PCBP3: variants seen among roughly 807,000 people sequenced by gnomAD.
PCBP3 encodes the protein poly(rC) binding protein 3.
A neutral mutation model predicts 52.7 loss-of-function variants in PCBP3; 25 were observed. The ratio of observed to expected loss-of-function variants is 0.47; its 90% CI spans 0.35 to 0.66. PCBP3 has a LOEUF of 0.66. PCBP3 is among the 30% of genes least tolerant of loss of function. The pLI is 0.01. For synonymous variants in PCBP3, 162 were observed against 183.0 expected (o/e 0.89, Z 0.93); for missense variants, 391 against 490.3 (o/e 0.80, Z 1.91).
chr21:45,810,032 A>T (rs1389427294), intron 4 of PCBP3, among the ~76,000 whole-genome samples: 1 of 152,230 alleles, frequency 6.6e-6, no homozygotes, highest in Non-Finnish European at 1.5e-5. Flanking sequence ...AGCCTAATAG[A>T]AAAAAGATTT....
intron 4 of PCBP3, among the ~76,000 whole-genome samples, chr21:45,839,961 A>G (rs1039693746): frequency 2.0e-5 from 3 of 151,774 alleles, no homozygotes; most frequent in South Asian, 4.2e-4. Flanking sequence ...TGCTGGGATT[A>G]CAGACATGAG....
intron 4 of PCBP3, among the ~76,000 whole-genome samples, chr21:45,819,240 G>A (rs781166662): frequency 3.0e-4 from 46 of 152,134 alleles, no homozygotes; most frequent in Non-Finnish European, 5.6e-4. Flanking sequence ...GGGCCGTGGG[G>A]GATGGGGGTA....
At chr21:45,680,357 A>G (rs2081762218) in intron 2 of PCBP3, among the ~76,000 whole-genome samples, 1 of 152,176 alleles carries the variant, frequency 6.6e-6, no homozygotes, top group South Asian at 2.1e-4. Context: ...TGAACTTAGT[A>G]TGTCTCCATT....
intron 13 of PCBP3, among the ~76,000 whole-genome samples, chr21:45,923,063 A>T (rs551896623): frequency 1.5e-4 from 23 of 152,052 alleles, no homozygotes; most frequent in Non-Finnish European, 2.6e-4. Flanking sequence ...AATCCCCGGG[A>T]CTCTGTCGGT....
intron 4 of PCBP3, among the ~76,000 whole-genome samples, chr21:45,826,922 A>G (rs2093323404): frequency 6.6e-6 from 1 of 152,142 alleles, no homozygotes; most frequent in Non-Finnish European, 1.5e-5. Flanking sequence ...AGGAAAGGCC[A>G]AGTGGAGAGT....
chr21:45,901,149 G>T, intron 9 of PCBP3, 36 bp downstream of exon 9: 1 of 1,464,198 alleles, frequency 6.8e-7, no homozygotes, highest in African/African-American at 1.4e-5. Flanking sequence ...CCAGCCTGGC[G>T]GGGGCAGGCC....
intron 1 of PCBP3, among the ~76,000 whole-genome samples, chr21:45,666,823 G>A (rs1173497436): frequency 6.6e-6 from 1 of 151,738 alleles, no homozygotes; most frequent in Non-Finnish European, 1.5e-5. Context: ...TGCCTTCCGG[G>A]TTCAAGTGAT....
intron 15 of PCBP3, among the ~76,000 whole-genome samples, chr21:45,934,547 T>C (rs1353137229): frequency 6.6e-6 from 1 of 152,210 alleles, no homozygotes; most frequent in African/African-American, 2.4e-5. Context: ...ATGTGCAGCT[T>C]TTCATTGGCC....
intron 2 of PCBP3, among the ~76,000 whole-genome samples, chr21:45,685,495 A>G (rs755764746): frequency 3.3e-5 from 5 of 152,214 alleles, no homozygotes; most frequent in Non-Finnish European, 5.9e-5. Context: ...AGTAACCAGG[A>G]TAGGACTTAT....
Position 45,791,868 on chromosome 21 carries a change from TG to T in PCBP3, c.-126+36417del. The stretch of plus-strand genomic sequence containing the variant: ...CAACTATGTAGTTAGGTCCTGCTCC[TG>T]AAAGCAAGGATGCAGTTCATTTCCA... On this transcript the variant is annotated intron_variant, in intron 4 of 17. Transcript: ENST00000681687. The surrounding 1 kb of genome is among the most constrained non-coding windows in gnomAD (Gnocchi z 4.2). Among the ~76,000 whole-genome samples the T allele has an allele frequency of 6.6e-6, 1 of 152,384 alleles. No individual in the cohort carries two copies. Among genetic ancestry groups the T allele is most frequent in the East Asian group, 1.9e-4 (1 of 5,178 alleles).
At chr21:45,653,602 C>A (rs2079827022) in intron 1 of PCBP3, among the ~76,000 whole-genome samples, 1 of 151,872 alleles carries the variant, frequency 6.6e-6, no homozygotes. Context: ...TTATCTTATT[C>A]TCAACCTTAC....
intron 2 of PCBP3, among the ~76,000 whole-genome samples, chr21:45,685,010 C>T (rs1268382811): frequency 6.6e-6 from 1 of 152,202 alleles, no homozygotes; most frequent in African/African-American, 2.4e-5. Flanking sequence ...ATGTATATCC[C>T]TGTGACTGTC....
intron 2 of PCBP3, among the ~76,000 whole-genome samples, chr21:45,706,697 C>T (rs1022993957): frequency 3.3e-5 from 5 of 152,126 alleles, no homozygotes; most frequent in African/African-American, 1.2e-4. Context: ...GTTGAGAAGC[C>T]CTAGCCAGGC....
chr21:45,808,200 T>G (rs1338038450), intron 4 of PCBP3, among the ~76,000 whole-genome samples: 1 of 152,182 alleles, frequency 6.6e-6, no homozygotes, highest in Admixed American at 6.5e-5. Flanking sequence ...AAATGGGATC[T>G]AATTAAACTA....
intron 5 of PCBP3, among the ~76,000 whole-genome samples, chr21:45,893,446 G>A (rs1476996092): frequency 1.3e-5 from 2 of 152,084 alleles, no homozygotes; most frequent in Non-Finnish European, 2.9e-5. Context: ...TATGTCAGAT[G>A]TGGGTGTCTG....
In PCBP3 at chr21:45,941,659, G is replaced by GTC; in HGVS notation, c.1080-9_1080-8dup. On this transcript the variant is annotated splice_polypyrimidine_tract_variant and intron_variant, in intron 17 of 17. Transcript: ENST00000681687. ...GACCGTCTCTCCCTCTCCTGCCTTT[G>GTC]TCTGTTCCAGGCTGACGTCCGAGGT... 1 of 1,605,904 alleles carries GTC rather than the reference G, an allele frequency of 6.2e-7. No homozygotes were observed. The highest frequency in any genetic ancestry group is 8.5e-7 in the Non-Finnish European group (1 of 1,176,166).
At chr21:45,673,894 G>C (rs995946927) in intron 2 of PCBP3, among the ~76,000 whole-genome samples, 7 of 152,106 alleles carry the variant, frequency 4.6e-5, no homozygotes, top group African/African-American at 7.2e-5. Context: ...CTCTTCTATA[G>C]AGTTCTGAGC....
rs190937369 is a variant in PCBP3, at chr21:45,737,161, G to C, written c.-162+1732G>C. ...GAGGGTGCAGCTGGGGCACATCAGG[G>C]GTCTCACAGGTCATCCCGAGGCTGC... On this transcript the variant is annotated intron_variant, in intron 3 of 17. Coordinates refer to ENST00000681687, the MANE Select transcript of PCBP3 (RefSeq NM_001384156.1). The surrounding 1 kb of genome is among the most constrained non-coding windows in gnomAD (Gnocchi z 4.9). Among the ~76,000 whole-genome samples the C allele has an allele frequency of 1.5e-4, 23 of 152,140 alleles. No individual in the cohort carries two copies. The highest frequency in any genetic ancestry group is 1.5e-3 in the Admixed American group (23 of 15,300).
intron 2 of PCBP3, among the ~76,000 whole-genome samples, chr21:45,709,772 G>A (rs774664175): frequency 3.9e-5 from 6 of 152,036 alleles, no homozygotes; most frequent in East Asian, 1.9e-4. Context: ...CAGTTTTCCC[G>A]TAATGTCCTT....
Sources: gnomAD v4.1 joint callset for allele counts (sites outside exome capture counted in the v4.1 genomes callset) on GRCh38, gnomAD v4.1.1 for gene constraint, Gnocchi (gnomAD v3.1) non-coding constraint, MANE v1.5 for transcripts, NCBI Gene and HGNC (gene_info 2026-07-23, HGNC 2026-07-21) for gene names.